Variants in PPP1R1C observed in about 807,000 individuals in gnomAD.
PPP1R1C encodes the protein protein phosphatase 1 regulatory subunit 1C.
In PPP1R1C, 15 loss-of-function variants were observed where a neutral mutation model predicts 17.4. That is an observed-to-expected ratio of 0.86 (90% CI 0.58 to 1.33). PPP1R1C has a LOEUF of 1.33. PPP1R1C is among the 40% of genes most tolerant of loss of function. The pLI is 0.00. For synonymous variants in PPP1R1C, 35 were observed against 43.1 expected (o/e 0.81, Z 0.73); for missense variants, 143 against 130.0 (o/e 1.10, Z -0.48).
At chr2:182,050,018 C>A (rs1016031885) in intron 2 of PPP1R1C, among the ~76,000 whole-genome samples, 2 of 152,182 alleles carry the variant, frequency 1.3e-5, no homozygotes, top group Non-Finnish European at 2.9e-5. Context: ...GAATAGTGAG[C>A]CTCTAGTTCT....
chr2:182,039,676 C>T (rs1473017415), intron 2 of PPP1R1C, among the ~76,000 whole-genome samples: 1 of 152,156 alleles, frequency 6.6e-6, no homozygotes, highest in Admixed American at 6.6e-5. Flanking sequence ...TGAGCCACCA[C>T]TCCTGGCACA....
intron 2 of PPP1R1C, among the ~76,000 whole-genome samples, chr2:182,024,405 C>A (rs967010401): frequency 6.6e-6 from 1 of 151,900 alleles, no homozygotes; most frequent in Non-Finnish European, 1.5e-5. Flanking sequence ...TATTTCAGAG[C>A]ACAGTCAATT....
At chr2:182,121,987 T>C (rs547739714), downstream of PPP1R1C, among the ~76,000 whole-genome samples, 1 of 152,282 alleles carries the variant, frequency 6.6e-6, no homozygotes, top group South Asian at 2.1e-4. Context: ...CTCCCAAACT[T>C]CTCTTCTCCT....
At chr2:182,051,221 A>G (rs1349275928) in intron 2 of PPP1R1C, among the ~76,000 whole-genome samples, 2 of 152,216 alleles carry the variant, frequency 1.3e-5, no homozygotes, top group Non-Finnish European at 2.9e-5. Flanking sequence ...TGTGCAAAAT[A>G]TGTTCTTAGT....
At chr2:182,103,080 A>C (rs1689145834) in intron 4 of PPP1R1C, among the ~76,000 whole-genome samples, 1 of 152,216 alleles carries the variant, frequency 6.6e-6, no homozygotes, top group African/African-American at 2.4e-5. Context: ...CTGGGATTAC[A>C]GGTGTGAGCC....
intron 4 of PPP1R1C, among the ~76,000 whole-genome samples, chr2:182,115,482 A>T (rs2125236886): frequency 6.6e-6 from 1 of 152,274 alleles, no homozygotes; most frequent in African/African-American, 2.4e-5. Context: ...TTTACTAGAC[A>T]GGTGTTTACC....
chr2:182,082,686 T>C (rs1688515573), intron 4 of PPP1R1C, among the ~76,000 whole-genome samples: 1 of 152,202 alleles, frequency 6.6e-6, no homozygotes, highest in Non-Finnish European at 1.5e-5. Context: ...TCAAGATTGA[T>C]CTATTTTAAC....
At chr2:181,986,582 A>T (rs1032388625) in intron 1 of PPP1R1C, among the ~76,000 whole-genome samples, 1 of 152,204 alleles carries the variant, frequency 6.6e-6, no homozygotes, top group Non-Finnish European at 1.5e-5. Context: ...TTTAGCAATA[A>T]AATCATTAAA....
chr2:182,034,099 TATTA>T (rs1253508422), intron 2 of PPP1R1C, among the ~76,000 whole-genome samples: 2 of 152,194 alleles, frequency 1.3e-5, no homozygotes, highest in Non-Finnish European at 2.9e-5. Flanking sequence ...TACATTTATT[TATTA>T]GTTTATTCAA....
chr2:182,062,563 CA>C (rs1199782959), intron 3 of PPP1R1C, among the ~76,000 whole-genome samples: 1 of 152,062 alleles, frequency 6.6e-6, no homozygotes, highest in Non-Finnish European at 1.5e-5. Flanking sequence ...GTAGGTATCA[CA>C]AAACTCTATT....
rs1685093895 is a variant in PPP1R1C, at chr2:181,976,540, C to CCTA, written n.157+1279_157+1281dup. On this transcript the variant is annotated intron_variant and non_coding_transcript_variant, in intron 2 of 5. Transcript: ENST00000464264. This position sits in a 1 kb window ranked among gnomAD's most constrained non-coding sequence, Gnocchi z 4.8. The stretch of plus-strand genomic sequence containing the variant: ...TATAATCTCCTACAAAGGCTACTGG[C>CCTA]CTACTGTTCAGGAATCCTGAGTAAT... Among the ~76,000 whole-genome samples, 2 of 152,184 alleles carry CCTA rather than the reference C, an allele frequency of 1.3e-5. No homozygotes were observed. The highest frequency in any genetic ancestry group is 4.8e-5 in the African/African-American group (2 of 41,528).
intron 5 of PPP1R1C, among the ~76,000 whole-genome samples, chr2:182,128,639 TGTAC>T (rs5836818): frequency 0.28 from 41,987 of 151,864 alleles, 6,711 homozygotes; most frequent in African/African-American, 0.43. Flanking sequence ...TGCATATGTA[TGTAC>T]GTATGTATAT....
At position 182,047,473 on chromosome 2, in the gene PPP1R1C, C is replaced by A. The variant is rs566621455; in HGVS notation, c.143-13969C>A. Reference sequence around the variant, plus strand: ...TCAGTTCTCTACTCAAAAGAAGATACACTTTTTTAAAAAACTAGAATTACT... The same window carrying A: ...TCAGTTCTCTACTCAAAAGAAGATAAACTTTTTTAAAAAACTAGAATTACT... On this transcript the variant is annotated intron_variant, in intron 2 of 4. Coordinates refer to ENST00000682840, the MANE Select transcript of PPP1R1C (RefSeq NM_001080545.3). 1.2e-3 allele frequency among the ~76,000 whole-genome samples: 180 copies of A among 152,214 alleles called. 1 individual carries two copies. The highest frequency in any genetic ancestry group is 4.2e-3 in the African/African-American group (173 of 41,550).
chr2:181,991,114 CT>C (rs34332425), intron 2 of PPP1R1C, among the ~76,000 whole-genome samples: 10 of 150,158 alleles, frequency 6.7e-5, no homozygotes, highest in South Asian at 2.1e-4. Context: ...ACATAGCTTG[CT>C]TTTTTTTTTA....
At chr2:182,060,045 G>T (rs1687804997) in intron 2 of PPP1R1C, among the ~76,000 whole-genome samples, 1 of 152,056 alleles carries the variant, frequency 6.6e-6, no homozygotes, top group South Asian at 2.1e-4. Flanking sequence ...AGTGCACATT[G>T]ATAGACAGGA....
intron 2 of PPP1R1C, among the ~76,000 whole-genome samples, chr2:182,017,570 T>C (rs931476424): frequency 6.6e-6 from 1 of 152,080 alleles, no homozygotes; most frequent in Admixed American, 6.5e-5. Flanking sequence ...AATATAGGGG[T>C]GAATTGAAAT....
At chr2:182,107,527 G>A (rs1246848062) in intron 4 of PPP1R1C, among the ~76,000 whole-genome samples, 5 of 152,106 alleles carry the variant, frequency 3.3e-5, no homozygotes, top group Non-Finnish European at 7.3e-5. Context: ...AATTAACAAG[G>A]TTTTACAAGT....
rs113058468 is a variant in PPP1R1C, at chr2:182,110,719, T to G, written c.242-6488T>G. ...TTTTAATGCTTTCAAGGCTAACCAC[T>G]GACTCCTGCTGATCGATGCATTCTT... On this transcript the variant is annotated intron_variant, in intron 4 of 4. Coordinates refer to ENST00000682840, the MANE Select transcript of PPP1R1C (RefSeq NM_001080545.3). Among the ~76,000 whole-genome samples the G allele has an allele frequency of 3.5e-3, 540 of 152,314 alleles. 5 individuals are homozygous for G. Among genetic ancestry groups the G allele is most frequent in the African/African-American group, 0.013 (522 of 41,582 alleles).
chr2:182,036,739 G>T (rs928585886), intron 2 of PPP1R1C, among the ~76,000 whole-genome samples: 6 of 151,652 alleles, frequency 4.0e-5, no homozygotes. Flanking sequence ...AAAACATAAT[G>T]GCAAATACCA....
Sources: allele counts gnomAD v4.1 joint callset (sites outside exome capture counted in the v4.1 genomes callset), GRCh38; gene constraint gnomAD v4.1.1; non-coding constraint Gnocchi (gnomAD v3.1); transcripts MANE v1.5; gene names NCBI Gene and HGNC (gene_info 2026-07-23, HGNC 2026-07-21).